Variants in KLF11 observed in about 807,000 individuals in gnomAD.
The protein encoded by KLF11 is KLF transcription factor 11.
KLF11 carries 26 observed loss-of-function variants against 29.9 expected under a neutral mutation model. The ratio of observed to expected loss-of-function variants is 0.87; its 90% CI spans 0.64 to 1.21. The LOEUF (loss-of-function observed/expected upper bound fraction) is 1.21. Among genes scored for constraint, KLF11 ranks in the 50% most tolerant of loss-of-function variants. The pLI, the probability that KLF11 is intolerant of heterozygous loss-of-function variation, is 0.00. For synonymous variants in KLF11, 318 were observed against 257.4 expected, an observed-to-expected ratio of 1.24 and a Z score of -2.25; for missense variants, 778 against 665.7, an observed-to-expected ratio of 1.17 and a Z score of -1.86.
Position 10,052,278 on chromosome 2 carries a change from G to T in KLF11, c.1310G>T (p.Arg437Leu), listed in dbSNP as rs369814305. The T allele has an allele frequency of 9.9e-6, 16 of 1,614,036 alleles. No individual in the cohort carries two copies. Among genetic ancestry groups the T allele is most frequent in the African/African-American group, 2.7e-5 (2 of 74,896 alleles). The stretch of plus-strand genomic sequence containing the variant: ...GATGGCTGTGATAAAAAGTTTGCTC[G>T]TTCGGATGAGCTGTCACGCCACCGC... ...SWDGCDKKFARSDELSRHRRT... is the reference protein window; with the variant it reads ...SWDGCDKKFALSDELSRHRRT... Residue 437 changes from arginine (R) to leucine (L), a missense_variant, in exon 4 of 4, where the codon CGT (arginine) becomes CTT (leucine). Physicochemically the swap from Arg to Leu is moderately radical, Grantham distance 102. Transcript: ENST00000305883.
In KLF11 at chr2:10,049,133, T is replaced by C. The variant is rs139530106; in HGVS notation, c.1258+538T>C. 1.7e-3 allele frequency among the ~76,000 whole-genome samples: 258 copies of C among 152,354 alleles called. 2 individuals are homozygous for C. The highest frequency in any genetic ancestry group is 6.0e-3 in the African/African-American group (250 of 41,584). The stretch of plus-strand genomic sequence containing the variant: ...AACTATGCTGACCTAATGATCTCTC[T>C]GTTGTCTAACCAGCTCTGTCCAATA... On this transcript the variant is annotated intron_variant, in intron 3 of 3. Coordinates refer to ENST00000305883, the MANE Select transcript of KLF11 (RefSeq NM_003597.5).
intron 1 of KLF11, chr2:10,044,133 A>AC: frequency 1.5e-5 from 2 of 134,304 alleles, no homozygotes; most frequent in Non-Finnish European, 1.8e-5. Flanking sequence ...GGGCGGGGCA[A>AC]GAGCTGCTGG....
Position 10,043,699 on chromosome 2 carries a change from TC to T in KLF11, c.-15del. On this transcript the variant is annotated 5_prime_UTR_variant, in exon 1 of 4. Coordinates refer to ENST00000305883, the MANE Select transcript of KLF11 (RefSeq NM_003597.5). ...TCACGCCCCGCGGCCGCTTTGTTGCTCCCGGCCGGCCTGCACGATGCACACG... is the reference window on the plus strand; with the variant it reads ...TCACGCCCCGCGGCCGCTTTGTTGCTCCGGCCGGCCTGCACGATGCACACG... The T allele has an allele frequency of 7.6e-7, 1 of 1,320,760 alleles. No individual in the cohort carries two copies. Among genetic ancestry groups the T allele is most frequent in the South Asian group, 1.3e-5 (1 of 74,556 alleles). The allele number at this position is 1,320,760 out of a possible 1,614,324, so 81.8% of individuals were successfully genotyped here.
intron 1 of KLF11, chr2:10,044,069 CGGACGGCCGTT>C (rs1661095361): frequency 1.4e-6 from 1 of 711,516 alleles, no homozygotes; most frequent in African/African-American, 1.9e-5. Context: ...TCCTGTGAGC[CGGACGGCCGTT>C]GGGCGGGGGA....
chr2:10,044,778 C>T (rs567959699), intron 1 of KLF11, among the ~76,000 whole-genome samples: 4 of 151,738 alleles, frequency 2.6e-5, no homozygotes, highest in East Asian at 1.9e-4. Context: ...ATATCACCCT[C>T]TCGCCCCCGG....
intron 2 of KLF11, among the ~76,000 whole-genome samples, chr2:10,047,310 A>G (rs2125278163): frequency 6.6e-6 from 1 of 152,346 alleles, no homozygotes; most frequent in East Asian, 1.9e-4. Context: ...CTGGGCTGGA[A>G]GCTTGCTCTG....
At position 10,053,249 on chromosome 2, in the gene KLF11, G is replaced by A; in HGVS notation, c.*742G>A. The A allele has an allele frequency of 5.0e-6, 2 of 398,722 alleles. No homozygotes were observed. The allele number at this position is 398,722 out of a possible 1,614,324, so 24.7% of individuals were successfully genotyped here. ...GGATGTACCCCAGAGAGTAACATGA[G>A]CCACTGGGCAGATCCCAGGGACCAG... is the stretch of plus-strand genomic sequence containing the variant. On this transcript the variant is annotated 3_prime_UTR_variant, in exon 4 of 4. Transcript: ENST00000305883.
At chr2:10,045,932 C>T (rs367593984) in intron 1 of KLF11, among the ~76,000 whole-genome samples, 15 of 152,238 alleles carry the variant, frequency 9.9e-5, no homozygotes, top group African/African-American at 3.6e-4. Flanking sequence ...GCAACGCTTG[C>T]CAGCTTAGTT....
Position 10,046,266 on chromosome 2 carries a change from T to C in KLF11, c.159T>C (p.Cys53=). 1.2e-6 allele frequency: 2 copies of C among 1,614,178 alleles called. No homozygotes were observed. Among genetic ancestry groups the C allele is most frequent in the South Asian group, 2.2e-5 (2 of 91,078 alleles). Residue 53 remains cysteine (C), a synonymous_variant, in exon 2 of 4, where the codon TGT becomes TGC. Coordinates refer to ENST00000305883, the MANE Select transcript of KLF11 (RefSeq NM_003597.5). Reference sequence around the variant, plus strand: ...TGGAAGCTGTCGAGGCTCTTGTTTGTATGAGCTCCTGGGGTCAAAGATCCC... The same window carrying C: ...TGGAAGCTGTCGAGGCTCTTGTTTGCATGAGCTCCTGGGGTCAAAGATCCC... ...TDMEAVEALV[C]MSSWGQRSQK...
chr2:10,047,241 C>T (rs1220006038), intron 2 of KLF11, among the ~76,000 whole-genome samples: 5 of 152,196 alleles, frequency 3.3e-5, no homozygotes, highest in Non-Finnish European at 5.9e-5. Context: ...AAAATTGCAT[C>T]TCAGCTTGGA....
In KLF11 at chr2:10,054,728, T is replaced by C. The variant is rs1344401298; in HGVS notation, c.*2221T>C. ...TTTTAAGTAGTTTGAATGATAAGAC[T>C]TAAAATGTTTCATAATTATGTTTTA... On this transcript the variant is annotated 3_prime_UTR_variant, in exon 4 of 4. Transcript: ENST00000305883. The C allele has an allele frequency of 6.5e-6, 1 of 152,676 alleles. No individual in the cohort carries two copies. Among genetic ancestry groups the C allele is most frequent in the Non-Finnish European group, 1.5e-5 (1 of 68,046 alleles). 9.5% of individuals were successfully genotyped at this position (152,676 alleles called of 1,614,324 possible).
chr2:10,044,016 C>T (rs1661090963), intron 1 of KLF11: 1 of 714,600 alleles, frequency 1.4e-6, no homozygotes, highest in Non-Finnish European at 1.7e-6. Flanking sequence ...GCGGCCCCGC[C>T]CCGCTGGCCC....
chr2:10,048,962 A>C (rs946474120), intron 3 of KLF11, among the ~76,000 whole-genome samples: 1 of 149,136 alleles, frequency 6.7e-6, no homozygotes, highest in Admixed American at 6.7e-5. Flanking sequence ...ACATTTAGTA[A>C]ATGTATCTTA....
At position 10,053,030 on chromosome 2, in the gene KLF11, A is replaced by G; in HGVS notation, c.*523A>G. ...CATGTTATTCCACTACAAAAACCAC[A>G]AGTTATCTGGCCTTTTAGATCTTTT... On this transcript the variant is annotated 3_prime_UTR_variant, in exon 4 of 4. Coordinates refer to ENST00000305883, the MANE Select transcript of KLF11 (RefSeq NM_003597.5). 1 of 388,724 alleles carries G rather than the reference A, an allele frequency of 2.6e-6. No homozygotes were observed. Among genetic ancestry groups the G allele is most frequent in the East Asian group, 3.7e-5 (1 of 27,172 alleles). 24.1% of individuals were successfully genotyped at this position (388,724 alleles called of 1,614,324 possible). A position where few individuals can be genotyped will look rare whatever the true frequency, so the allele number is the denominator to read the frequency against.
rs1187789607 is a variant in KLF11, at chr2:10,053,493, G to A, written c.*986G>A. On this transcript the variant is annotated 3_prime_UTR_variant, in exon 4 of 4. Transcript: ENST00000305883. ...AAAAAGGAAATGTCTGTATTGGTTG[G>A]ATGAAACTCCACCAGAGCACAGCTT... 5.0e-6 allele frequency: 2 copies of A among 398,528 alleles called. No individual in the cohort carries two copies. The highest frequency in any genetic ancestry group is 8.8e-6 in the Non-Finnish European group (2 of 226,042). 24.7% of individuals were successfully genotyped at this position (398,528 alleles called of 1,614,324 possible).
At chr2:10,047,527 T>C (rs1300901866) in intron 2 of KLF11, 123 bp from the exon 3 acceptor site, 8 of 855,844 alleles carry the variant, frequency 9.3e-6, no homozygotes, top group East Asian at 2.6e-5. Context: ...CCCACTGGGA[T>C]GTTGAAAACA....
Position 10,046,154 on chromosome 2 carries a change from ACAT to A in KLF11, c.51_53del (p.Ile17del), listed in dbSNP as rs758083789. 2.5e-6 allele frequency: 4 copies of A among 1,613,718 alleles called. No homozygotes were observed. The highest frequency in any genetic ancestry group is 3.4e-6 in the Non-Finnish European group (4 of 1,180,024). ...GTTGTGTTGTGTCGCCTTTAGGTTG[ACAT>A]CATGGACATATGTGAGTCCATCCTG... On this transcript the variant is annotated inframe_deletion, in exon 2 of 4. Transcript: ENST00000305883.
At position 10,046,331 on chromosome 2, in the gene KLF11, TCTCTGA is replaced by T. The variant is rs1558346538; in HGVS notation, c.230_235del (p.Asp77_Ser78del). ...TTGCGGATAAGACCCCTCACGCCTG[TCTCTGA>T]CTCTGGGGATGTCACCACCACTGTG... On this transcript the variant is annotated inframe_deletion, in exon 2 of 4. Transcript: ENST00000305883. 6.2e-7 allele frequency: 1 copy of T among 1,614,172 alleles called. No individual in the cohort carries two copies. The highest frequency in any genetic ancestry group is 1.1e-5 in the South Asian group (1 of 91,086).
Position 10,052,827 on chromosome 2 carries a change from T to G in KLF11, c.*320T>G, listed in dbSNP as rs1197271240. ...TTACAAAATCTGGATTTTTACAACCTTTTCTATTGATGTTTTGTAGAAATA... is the reference window on the plus strand; with the variant it reads ...TTACAAAATCTGGATTTTTACAACCGTTTCTATTGATGTTTTGTAGAAATA... On this transcript the variant is annotated 3_prime_UTR_variant, in exon 4 of 4. Transcript: ENST00000305883. 2 of 391,488 alleles carry G rather than the reference T, an allele frequency of 5.1e-6. No homozygotes were observed. The highest frequency in any genetic ancestry group is 9.2e-6 in the Non-Finnish European group (2 of 218,290). 24.3% of individuals were successfully genotyped at this position (391,488 alleles called of 1,614,324 possible).
Sources: gnomAD v4.1 joint callset for allele counts (sites outside exome capture counted in the v4.1 genomes callset) on GRCh38, gnomAD v4.1.1 for gene constraint, MANE v1.5 for transcripts, NCBI Gene and HGNC (gene_info 2026-07-23, HGNC 2026-07-21) for gene names.